Variants in HTRA1 observed in about 807,000 individuals in gnomAD.
The protein encoded by HTRA1 is serine protease HTRA1.
Under a neutral mutation model 49.7 loss-of-function variants are expected in HTRA1, and 26 were observed. That is an observed-to-expected ratio of 0.52 (90% CI 0.38 to 0.73). The LOEUF is 0.73. Among genes scored for constraint, HTRA1 ranks in the 30% least tolerant of loss-of-function variants. HTRA1 has a pLI of 0.00. For missense variants in HTRA1, 561 were observed against 667.2 expected, an observed-to-expected ratio of 0.84 and a Z score of 1.75; for synonymous variants, 291 against 286.9, an observed-to-expected ratio of 1.01 and a Z score of -0.14.
At position 122,487,258 on chromosome 10, in the gene HTRA1, C is replaced by T. The variant is rs2097493499; in HGVS notation, c.473-1644C>T. 6.6e-6 allele frequency among the ~76,000 whole-genome samples: 1 copy of T among 152,126 alleles called. No individual in the cohort carries two copies. The highest frequency in any genetic ancestry group is 2.4e-5 in the African/African-American group (1 of 41,410). The stretch of plus-strand genomic sequence containing the variant: ...CAAGGGGGAAGAATGGGGTGCATGG[C>T]TCTCAGCTGCAGACCAGCCTGGAAC... On this transcript the variant is annotated intron_variant, in intron 1 of 8. Transcript: ENST00000368984. This position sits in a 1 kb window ranked among gnomAD's most constrained non-coding sequence, Gnocchi z 4.8.
At chr10:122,493,172 C>T (rs2097496740) in intron 3 of HTRA1, among the ~76,000 whole-genome samples, 1 of 152,182 alleles carries the variant, frequency 6.6e-6, no homozygotes, top group Admixed American at 6.5e-5. Context: ...GACCAGCCCC[C>T]TCTTGCCTGC....
rs577464571 is a variant in HTRA1 at position 122,487,888 on chromosome 10, G to A, written c.473-1014G>A. Among the ~76,000 whole-genome samples the A allele has an allele frequency of 2.7e-4, 41 of 152,312 alleles. No homozygotes were observed. Among genetic ancestry groups the A allele is most frequent in the South Asian group, 4.1e-4 (2 of 4,824 alleles). On this transcript the variant is annotated intron_variant, in intron 1 of 8. Transcript: ENST00000368984. This position sits in a 1 kb window ranked among gnomAD's most constrained non-coding sequence, Gnocchi z 4.8. ...GTTATGGTCCGCGGCTGGCTGAAACGTTATGTGGTGCATGACTGTAGGTAT... is the reference window on the plus strand; with the variant it reads ...GTTATGGTCCGCGGCTGGCTGAAACATTATGTGGTGCATGACTGTAGGTAT...
chr10:122,497,375 T>C (rs1330490095), intron 3 of HTRA1, among the ~76,000 whole-genome samples: 1 of 152,222 alleles, frequency 6.6e-6, no homozygotes, highest in Non-Finnish European at 1.5e-5. Flanking sequence ...TTTTAAACAT[T>C]TTAAAATAAA....
Position 122,502,096 on chromosome 10 carries a change from G to A in HTRA1, c.778-4595G>A, listed in dbSNP as rs554111343. ...AAGACTCTGGGCTGAGCTGCCCATG[G>A]TGAGGGAGGTGGACTTTGTGTTTTC... On this transcript the variant is annotated intron_variant, in intron 3 of 8. Coordinates refer to ENST00000368984, the MANE Select transcript of HTRA1 (RefSeq NM_002775.5). Among the ~76,000 whole-genome samples the A allele has an allele frequency of 1.3e-4, 20 of 151,662 alleles. No individual in the cohort carries two copies. The South Asian group carries it at 3.8e-3, about 29-fold the overall frequency.
chr10:122,497,325 A>G (rs1273732086), intron 3 of HTRA1, among the ~76,000 whole-genome samples: 1 of 152,198 alleles, frequency 6.6e-6, no homozygotes, highest in Non-Finnish European at 1.5e-5. Flanking sequence ...TTGTTCATTG[A>G]CCATATCAAA....
rs2097492617 is a variant in HTRA1, at chr10:122,485,313, A to G, written c.473-3589A>G. ...ATGGTTGCTTTTTCATCTGAGATGC[A>G]CCACGAAGGCTTGTCAGTCAGCCTT... On this transcript the variant is annotated intron_variant, in intron 1 of 8. Coordinates refer to ENST00000368984, the MANE Select transcript of HTRA1 (RefSeq NM_002775.5). Among the ~76,000 whole-genome samples, 4 of 152,218 alleles carry G rather than the reference A, an allele frequency of 2.6e-5. No individual in the cohort carries two copies. In the South Asian group the frequency reaches 8.3e-4, roughly 31 times the overall value.
chr10:122,508,448 T>C (rs925991115), intron 5 of HTRA1, among the ~76,000 whole-genome samples: 5 of 152,262 alleles, frequency 3.3e-5, no homozygotes, highest in Non-Finnish European at 7.3e-5. Flanking sequence ...ACCTGGAGTA[T>C]GTGCGATTCT....
At chr10:122,502,398 T>G (rs1433308636) in intron 3 of HTRA1, among the ~76,000 whole-genome samples, 3 of 152,220 alleles carry the variant, frequency 2.0e-5, no homozygotes, top group Non-Finnish European at 4.4e-5. Context: ...TTACTCCCAC[T>G]ACCTGGTCAG....
intron 1 of HTRA1, among the ~76,000 whole-genome samples, chr10:122,480,504 C>T (rs915717599): frequency 6.6e-6 from 1 of 152,162 alleles, no homozygotes; most frequent in African/African-American, 2.4e-5. Flanking sequence ...ATGGGAATGC[C>T]AGGGAAAGCT....
At chr10:122,495,539 G>C (rs1326779349) in intron 3 of HTRA1, among the ~76,000 whole-genome samples, 1 of 152,138 alleles carries the variant, frequency 6.6e-6, no homozygotes, top group Non-Finnish European at 1.5e-5. Flanking sequence ...TCTGGCTTGG[G>C]AAACGTTTCA....
At position 122,494,728 on chromosome 10, in the gene HTRA1, G is replaced by A. The variant is rs1323424097; in HGVS notation, c.777+5102G>A. 6.6e-6 allele frequency among the ~76,000 whole-genome samples: 1 copy of A among 152,192 alleles called. No individual in the cohort carries two copies. The highest frequency in any genetic ancestry group is 2.4e-5 in the African/African-American group (1 of 41,464). ...AGTGGCCACAGAGGGAGCCCTCTGG[G>A]CGCTGGGGCCGCTGTGTTTGCAGAG... is the stretch of plus-strand genomic sequence containing the variant. On this transcript the variant is annotated intron_variant, in intron 3 of 8. Coordinates refer to ENST00000368984, the MANE Select transcript of HTRA1 (RefSeq NM_002775.5). This position sits in a 1 kb window ranked among gnomAD's most constrained non-coding sequence, Gnocchi z 4.0.
At chr10:122,502,037 A>G (rs1206033202) in intron 3 of HTRA1, among the ~76,000 whole-genome samples, 1 of 117,304 alleles carries the variant, frequency 8.5e-6, no homozygotes. Context: ...CACACAAACT[A>G]TTTTTAGTGC....
intron 1 of HTRA1, among the ~76,000 whole-genome samples, chr10:122,480,115 G>A (rs2097490319): frequency 6.6e-6 from 1 of 152,192 alleles, no homozygotes; most frequent in Admixed American, 6.5e-5. Flanking sequence ...TTAGCTCCGT[G>A]TTACAGAAAG....
intron 1 of HTRA1, among the ~76,000 whole-genome samples, chr10:122,462,860 G>T (rs1462872239): frequency 6.6e-6 from 1 of 152,256 alleles, no homozygotes; most frequent in Non-Finnish European, 1.5e-5. Flanking sequence ...TGATGAGGAA[G>T]AAGTCTACCC....
rs562876149 is a variant in HTRA1 at position 122,514,550 on chromosome 10, G to A, written c.*191G>A. 2.4e-5 allele frequency: 15 copies of A among 625,206 alleles called. No individual in the cohort carries two copies. Among genetic ancestry groups the A allele is most frequent in the African/African-American group, 7.2e-5 (4 of 55,182 alleles). 38.7% of individuals were successfully genotyped at this position (625,206 alleles called of 1,614,324 possible). The stretch of plus-strand genomic sequence containing the variant: ...AAAACAAATGTAATGTTGCAGATCC[G>A]CAGGCAGAAGCTCTGCCCTTCTGTA... On this transcript the variant is annotated 3_prime_UTR_variant, in exon 9 of 9. Coordinates refer to ENST00000368984, the MANE Select transcript of HTRA1 (RefSeq NM_002775.5).
intron 1 of HTRA1, among the ~76,000 whole-genome samples, chr10:122,477,609 A>G (rs1439951084): frequency 6.6e-6 from 1 of 152,104 alleles, no homozygotes; most frequent in African/African-American, 2.4e-5. Flanking sequence ...GGCCTTCTTT[A>G]TTTACAGTTT....
intron 7 of HTRA1, among the ~76,000 whole-genome samples, chr10:122,511,199 A>G (rs77459319): frequency 1.8e-3 from 274 of 152,290 alleles, no homozygotes; most frequent in African/African-American, 6.3e-3. Context: ...GCCAGCCACT[A>G]TGTATCACAC....
chr10:122,494,924 G>A lies in HTRA1; in HGVS notation c.777+5298G>A, dbSNP rs1305782317. Among the ~76,000 whole-genome samples the A allele has an allele frequency of 2.0e-5, 3 of 152,148 alleles. No individual in the cohort carries two copies. The highest frequency in any genetic ancestry group is 4.4e-5 in the Non-Finnish European group (3 of 68,022). ...CCAGGCCACCAGAACTTGGCCCTGC[G>A]CATGGTGAATCTTCCCTGAGTCAGC... On this transcript the variant is annotated intron_variant, in intron 3 of 8. Transcript: ENST00000368984. This position sits in a 1 kb window ranked among gnomAD's most constrained non-coding sequence, Gnocchi z 4.0.
At chr10:122,485,049 T>C (rs913436345) in intron 1 of HTRA1, among the ~76,000 whole-genome samples, 8 of 152,228 alleles carry the variant, frequency 5.3e-5, no homozygotes, top group Admixed American at 2.6e-4. Context: ...CCACTCCATG[T>C]AGTTTAATGG....
Sources: allele counts gnomAD v4.1 joint callset (sites outside exome capture counted in the v4.1 genomes callset), GRCh38; gene constraint gnomAD v4.1.1; non-coding constraint Gnocchi (gnomAD v3.1); transcripts MANE v1.5; gene names NCBI Gene and HGNC (gene_info 2026-07-23, HGNC 2026-07-21).